Variants in MEGF11 observed in about 807,000 individuals in gnomAD.
MEGF11 encodes multiple epidermal growth factor-like domains protein 11.
MEGF11 carries 126 observed loss-of-function variants against 146.6 expected under a neutral mutation model. The observed-to-expected ratio is 0.86, with a 90% CI of 0.74 to 1.00. The LOEUF is 1.00. MEGF11 is among the 50% of genes least tolerant of loss of function. The pLI is 0.00. For synonymous variants in MEGF11, 532 were observed against 583.4 expected (o/e 0.91, Z 1.27); for missense variants, 1,509 against 1,521.2 (o/e 0.99, Z 0.13).
chr15:66,127,048 T>C (rs2088386947), intron 2 of MEGF11, among the ~76,000 whole-genome samples: 1 of 152,160 alleles, frequency 6.6e-6, no homozygotes, highest in Admixed American at 6.5e-5. Context: ...CAAAGCACTT[T>C]TGTGAAACGG....
At chr15:66,181,424 G>A (rs1358956082) in intron 1 of MEGF11, among the ~76,000 whole-genome samples, 4 of 152,208 alleles carry the variant, frequency 2.6e-5, no homozygotes, top group South Asian at 2.1e-4. Flanking sequence ...ATGCACACAC[G>A]CATGCACACA....
intron 1 of MEGF11, among the ~76,000 whole-genome samples, chr15:66,155,779 C>T (rs2089733160): frequency 6.6e-6 from 1 of 152,220 alleles, no homozygotes; most frequent in Non-Finnish European, 1.5e-5. Context: ...GTCAGCTCAA[C>T]CTTGAAGGTG....
chr15:66,111,665 G>A (rs2087417330), intron 4 of MEGF11, among the ~76,000 whole-genome samples: 1 of 152,144 alleles, frequency 6.6e-6, no homozygotes, highest in Admixed American at 6.5e-5. Flanking sequence ...ATTTGAACAT[G>A]CTACCCACCA....
chr15:66,034,097 A>T (rs1023229715), intron 5 of MEGF11, among the ~76,000 whole-genome samples: 2 of 152,122 alleles, frequency 1.3e-5, no homozygotes, highest in African/African-American at 4.8e-5. Context: ...GCCTGGATTT[A>T]CTTGTTATTC....
intron 24 of MEGF11, 50 bp from the exon 25 acceptor site, chr15:65,898,984 T>C (rs904382790): frequency 6.3e-7 from 1 of 1,586,192 alleles, no homozygotes; most frequent in Non-Finnish European, 8.6e-7. Flanking sequence ...CAAGTCTTCA[T>C]GTTAATATCA....
In MEGF11 at chr15:66,096,509, G is replaced by T. The variant is rs192926785; in HGVS notation, c.302-2015C>A. Among the ~76,000 whole-genome samples, 27 of 148,532 alleles carry T rather than the reference G, an allele frequency of 1.8e-4. 1 individual carries two copies. The highest frequency in any genetic ancestry group is 3.4e-3 in the Middle Eastern group (1 of 294). ...CCTCTGAAGGTGGAGAGAGCCCAAG[G>T]CTGTGGGGACTTCACATTTTGCCCA... On this transcript the variant is annotated intron_variant, in intron 4 of 25. Transcript: ENST00000395614.
chr15:66,059,639 T>A (rs2084820730), intron 5 of MEGF11, among the ~76,000 whole-genome samples: 1 of 151,104 alleles, frequency 6.6e-6, no homozygotes, highest in African/African-American at 2.4e-5. Flanking sequence ...GTTCTTAAAT[T>A]CAGAGAAATA....
chr15:65,939,714 C>T (rs1398407086), intron 10 of MEGF11, among the ~76,000 whole-genome samples: 3 of 151,986 alleles, frequency 2.0e-5, no homozygotes, highest in African/African-American at 7.2e-5. Flanking sequence ...AGGCTGGTCT[C>T]GAACTCTTGA....
chr15:66,130,757 G>GAAGGAAGGAAGGAAGC (rs2088614385), intron 1 of MEGF11, among the ~76,000 whole-genome samples: 1 of 151,656 alleles, frequency 6.6e-6, no homozygotes. Flanking sequence ...AGGAAGGAAG[G>GAAGGAAGGAAGGAAGC]AAATTCTCCT....
chr15:65,960,479 G>A (rs1451980720), intron 9 of MEGF11, among the ~76,000 whole-genome samples: 2 of 152,246 alleles, frequency 1.3e-5, no homozygotes, highest in Admixed American at 6.5e-5. Flanking sequence ...CGCTCTGCTA[G>A]ATGGTTTTGG....
At chr15:66,141,305 A>T (rs2089157046) in intron 1 of MEGF11, among the ~76,000 whole-genome samples, 1 of 149,998 alleles carries the variant, frequency 6.7e-6, no homozygotes, top group Non-Finnish European at 1.5e-5. Flanking sequence ...AGAGAGAGAG[A>T]GAGACAGGGA....
intron 5 of MEGF11, among the ~76,000 whole-genome samples, chr15:66,042,107 CTTTTTTT>C (rs199704077): frequency 1.4e-5 from 2 of 143,132 alleles, no homozygotes; most frequent in African/African-American, 2.6e-5. Flanking sequence ...ATTTCTTTCC[CTTTTTTT>C]TTTTTTTTTT....
chr15:66,175,669 C>T (rs1390861869), intron 1 of MEGF11, among the ~76,000 whole-genome samples: 2 of 152,124 alleles, frequency 1.3e-5, no homozygotes, highest in East Asian at 3.8e-4. Flanking sequence ...GAAAAATCAA[C>T]TCAAAATCTA....
At chr15:66,155,223 A>G (rs537762561) in intron 1 of MEGF11, among the ~76,000 whole-genome samples, 1 of 151,892 alleles carries the variant, frequency 6.6e-6, no homozygotes, top group East Asian at 1.9e-4. Flanking sequence ...CTGTGCAGTA[A>G]TCAGGTGGGT....
At chr15:66,067,358 A>C (rs1004577241) in intron 5 of MEGF11, among the ~76,000 whole-genome samples, 2 of 152,224 alleles carry the variant, frequency 1.3e-5, no homozygotes, top group Admixed American at 6.5e-5. Flanking sequence ...TCCACTGTCT[A>C]CATCTGTCAC....
At chr15:65,990,026 C>T (rs777255955) in intron 5 of MEGF11, among the ~76,000 whole-genome samples, 19 of 152,060 alleles carry the variant, frequency 1.2e-4, no homozygotes, top group Non-Finnish European at 2.8e-4. Flanking sequence ...GACCCTGTCT[C>T]TACCAAAAGC....
intron 5 of MEGF11, among the ~76,000 whole-genome samples, chr15:66,044,673 T>C (rs1336155861): frequency 2.7e-4 from 16 of 60,082 alleles, no homozygotes; most frequent in Non-Finnish European, 5.2e-4. Context: ...AGACCTCGTA[T>C]CACTAAAAAT....
At chr15:66,008,407 GCGCGCACACA>G (rs773773586) in intron 5 of MEGF11, among the ~76,000 whole-genome samples, 8,577 of 82,290 alleles carry the variant, frequency 0.1, 296 homozygotes, top group Non-Finnish European at 0.13. Flanking sequence ...GCACACGCGC[GCGCGCACACA>G]CACACACACA....
At chr15:65,990,615 A>AAGAAAG in intron 5 of MEGF11, among the ~76,000 whole-genome samples, 2 of 135,628 alleles carry the variant, frequency 1.5e-5, no homozygotes, top group Admixed American at 7.3e-5. Flanking sequence ...GAAAAGAAAA[A>AAGAAAG]AAAGAAAAGA....
Sources: gnomAD v4.1 joint callset for allele counts (sites outside exome capture counted in the v4.1 genomes callset) on GRCh38, gnomAD v4.1.1 for gene constraint, MANE v1.5 for transcripts, NCBI Gene and HGNC (gene_info 2026-07-23, HGNC 2026-07-21) for gene names.